Variants in PDCD10 observed in about 807,000 individuals in gnomAD.
PDCD10 encodes programmed cell death 10.
Under a neutral mutation model 29.2 loss-of-function variants are expected in PDCD10, and 4 were observed. The observed-to-expected ratio is 0.14, with a 90% confidence interval of 0.07 to 0.31. PDCD10 has a LOEUF of 0.31. PDCD10 is among the 10% of genes least tolerant of loss of function. The pLI is 1.00. For synonymous variants in PDCD10, 70 were observed against 82.2 expected, an observed-to-expected ratio of 0.85 and a Z score of 0.80; for missense variants, 183 against 257.9, an observed-to-expected ratio of 0.71 and a Z score of 1.99.
intron 2 of PDCD10, among the ~76,000 whole-genome samples, chr3:167,731,627 A>G (rs1389503499): frequency 1.3e-5 from 2 of 152,186 alleles, no homozygotes; most frequent in African/African-American, 4.8e-5. Context: ...TATTTACTGA[A>G]CCCTTACAAT....
At chr3:167,725,754 T>C (rs976119736) in intron 2 of PDCD10, among the ~76,000 whole-genome samples, 1 of 120,122 alleles carries the variant, frequency 8.3e-6, no homozygotes, top group South Asian at 2.9e-4. Context: ...CACTTTACCA[T>C]TGTATCGTTT....
intron 3 of PDCD10, among the ~76,000 whole-genome samples, chr3:167,718,792 C>A (rs1033828504): frequency 1.3e-5 from 2 of 151,396 alleles, no homozygotes; most frequent in African/African-American, 4.9e-5. Flanking sequence ...AAGCCAAACA[C>A]TAGGATGACA....
chr3:167,732,451 A>C (rs1052699914), intron 2 of PDCD10, among the ~76,000 whole-genome samples: 4 of 152,234 alleles, frequency 2.6e-5, no homozygotes, highest in Non-Finnish European at 5.9e-5. Flanking sequence ...GTGAGCTGCA[A>C]ACCACGTGTA....
chr3:167,693,004 C>CT (rs1432158444), intron 6 of PDCD10, among the ~76,000 whole-genome samples: 4 of 152,164 alleles, frequency 2.6e-5, no homozygotes, highest in Non-Finnish European at 5.9e-5. Context: ...AATTAAAAGC[C>CT]TTTTTTATAT....
At chr3:167,692,201 C>T (rs1277148787) in intron 6 of PDCD10, among the ~76,000 whole-genome samples, 1 of 152,182 alleles carries the variant, frequency 6.6e-6, no homozygotes, top group Non-Finnish European at 1.5e-5. Context: ...GACAATTTAT[C>T]CTTTTACAGG....
intron 2 of PDCD10, among the ~76,000 whole-genome samples, chr3:167,729,808 TC>T (rs773812688): frequency 3.9e-5 from 6 of 152,292 alleles, no homozygotes; most frequent in Non-Finnish European, 7.4e-5. Context: ...GTAAACTTAT[TC>T]CCAAGGGACC....
At chr3:167,700,602 A>G (rs905618386) in intron 4 of PDCD10, among the ~76,000 whole-genome samples, 4 of 152,150 alleles carry the variant, frequency 2.6e-5, no homozygotes, top group African/African-American at 9.7e-5. Flanking sequence ...TGCAGCTTTT[A>G]TGTTGGTGCA....
rs909958854 is a variant in PDCD10, at chr3:167,734,791, A to G, written c.-383T>C. 6.5e-6 allele frequency: 1 copy of G among 153,262 alleles called. No individual in the cohort carries two copies. Among genetic ancestry groups the G allele is most frequent in the African/African-American group, 2.4e-5 (1 of 41,470 alleles). 9.5% of individuals were successfully genotyped at this position (153,262 alleles called of 1,614,324 possible). On this transcript the variant is annotated 5_prime_UTR_variant, in exon 1 of 9. Coordinates refer to ENST00000392750, the MANE Select transcript of PDCD10 (RefSeq NM_007217.4). ...GCAGAGCTACGGGGACTGGGACAGA[A>G]CAGCTACACCTTACCAGCAACTGAG...
intron 3 of PDCD10, among the ~76,000 whole-genome samples, chr3:167,716,985 T>A (rs1289285319): frequency 6.6e-6 from 1 of 152,010 alleles, no homozygotes. Flanking sequence ...AAAGTAATAG[T>A]TATGTGAGAA....
At position 167,713,502 on chromosome 3, in the gene PDCD10, C is replaced by T. The variant is rs2108463736; in HGVS notation, c.96+6560G>A. 2.0e-5 allele frequency among the ~76,000 whole-genome samples: 3 copies of T among 151,594 alleles called. 1 individual carries two copies. The highest frequency in any genetic ancestry group is 2.0e-4 in the Admixed American group (3 of 15,218). ...AACAAACAATTCAAATAACACACAT[C>T]TTAAACAACCAGAAAAGAGCAAACC... is the stretch of plus-strand genomic sequence containing the variant. On this transcript the variant is annotated intron_variant, in intron 3 of 8. Transcript: ENST00000392750.
intron 3 of PDCD10, among the ~76,000 whole-genome samples, chr3:167,710,298 C>T (rs1722404760): frequency 6.6e-6 from 1 of 152,160 alleles, no homozygotes; most frequent in African/African-American, 2.4e-5. Context: ...GACAGCATTT[C>T]TAGACCTGTC....
In PDCD10 at chr3:167,695,802, T is replaced by A. The variant is rs1296702734; in HGVS notation, c.269-80A>T. The A allele has an allele frequency of 2.8e-6, 4 of 1,451,386 alleles. No individual in the cohort carries two copies. In the East Asian group the frequency reaches 9.1e-5, roughly 33 times the overall value. The allele number at this position is 1,451,386 out of a possible 1,614,324, so 89.9% of individuals were successfully genotyped here. A position where few individuals can be genotyped will look rare whatever the true frequency, so the allele number is the denominator to read the frequency against. ...CACATCTAAGAATTTCCAATGTTGG[T>A]CAAAGGCAGGTGAGGGAGGTGAAAG... On this transcript the variant is annotated intron_variant, in intron 5 of 8. Transcript: ENST00000392750.
At chr3:167,716,954 C>T (rs766804558) in intron 3 of PDCD10, among the ~76,000 whole-genome samples, 2 of 151,930 alleles carry the variant, frequency 1.3e-5, no homozygotes, top group Non-Finnish European at 1.5e-5. Flanking sequence ...CTCTCCTCCC[C>T]GATATACAAA....
chr3:167,717,908 T>C (rs1160735867), intron 3 of PDCD10, among the ~76,000 whole-genome samples: 2 of 152,154 alleles, frequency 1.3e-5, no homozygotes, highest in African/African-American at 4.8e-5. Flanking sequence ...AAAAACCTTT[T>C]CTAATTTCTC....
chr3:167,722,378 AC>A (rs1381428491), intron 2 of PDCD10, among the ~76,000 whole-genome samples: 4 of 152,230 alleles, frequency 2.6e-5, no homozygotes, highest in Non-Finnish European at 5.9e-5. Context: ...CAGAAAACAT[AC>A]AACTGTGGTG....
Position 167,723,665 on chromosome 3 carries a change from C to T in PDCD10, c.-116-3392G>A, listed in dbSNP as rs1043238645. 4.4e-4 allele frequency among the ~76,000 whole-genome samples: 67 copies of T among 152,188 alleles called. 1 individual carries two copies. The highest frequency in any genetic ancestry group is 1.2e-3 in the African/African-American group (49 of 41,450). On this transcript the variant is annotated intron_variant, in intron 2 of 8. Transcript: ENST00000392750. ...AACATAGCAAGAACTTTACGTCTCA[C>T]GTTTCAAATGTGCTGCTTTGCAGGG... is the stretch of plus-strand genomic sequence containing the variant.
intron 3 of PDCD10, among the ~76,000 whole-genome samples, chr3:167,710,613 GGGC>G (rs1722432745): frequency 6.6e-6 from 1 of 152,190 alleles, no homozygotes; most frequent in Non-Finnish European, 1.5e-5. Context: ...AGACCATCTG[GGGC>G]CTGGGGAAAT....
rs1270112394 is a variant in PDCD10, at chr3:167,683,556, A to C, written c.*752T>G. On this transcript the variant is annotated 3_prime_UTR_variant, in exon 9 of 9. Transcript: ENST00000392750. ...GTATACGAAAGGCTTAATTTTTAAGAGTCAAATCTACATTTGTCACAAGAG... is the reference window on the plus strand; with the variant it reads ...GTATACGAAAGGCTTAATTTTTAAGCGTCAAATCTACATTTGTCACAAGAG... The C allele has an allele frequency of 6.6e-6, 1 of 151,996 alleles. No individual in the cohort carries two copies. Among genetic ancestry groups the C allele is most frequent in the Non-Finnish European group, 1.5e-5 (1 of 67,906 alleles). The allele number at this position is 151,996 out of a possible 1,614,324, so 9.4% of individuals were successfully genotyped here.
chr3:167,713,283 T>A (rs937182328), intron 3 of PDCD10, among the ~76,000 whole-genome samples: 1 of 152,000 alleles, frequency 6.6e-6, no homozygotes, highest in Non-Finnish European at 1.5e-5. Flanking sequence ...ACAAGAGAAA[T>A]TTTTGAAACT....
Sources: gnomAD v4.1 joint callset for allele counts (sites outside exome capture counted in the v4.1 genomes callset) on GRCh38, gnomAD v4.1.1 for gene constraint, MANE v1.5 for transcripts, NCBI Gene and HGNC (gene_info 2026-07-23, HGNC 2026-07-21) for gene names.